Variants in MAGEB2 observed in about 807,000 individuals in gnomAD.
The protein encoded by MAGEB2 is melanoma-associated antigen B2.
For missense variants in MAGEB2, 365 were observed against 243.2 expected (o/e 1.50, Z -3.33); for synonymous variants, 107 against 96.2 (o/e 1.11, Z -0.66).
At position 30,219,269 on chromosome X, in the gene MAGEB2, TGGGAGTCTATG is replaced by T. The variant is rs763002185; in HGVS notation, c.690_700del (p.Gly231TrpfsTer33). 10 of 1,211,279 alleles carry T rather than the reference TGGGAGTCTATG, an allele frequency of 8.3e-6. No homozygotes were observed. In the South Asian group the frequency reaches 1.8e-4, roughly 21 times the overall value. Reference sequence around the variant, plus strand: ...GAGATCTGGGAATTCCTGAATATGTTGGGAGTCTATGATGGAGAGGAGCACTCAGTCTTTGG... The same window carrying T: ...GAGATCTGGGAATTCCTGAATATGTTATGGAGAGGAGCACTCAGTCTTTGG... On this transcript the variant is annotated frameshift_variant, in exon 2 of 2. Coordinates refer to ENST00000378988, the MANE Select transcript of MAGEB2 (RefSeq NM_002364.5). LOFTEE classifies it low-confidence loss of function (END_TRUNC).
At chrX:30,218,541 T>C (rs6526962) in intron 1 of MAGEB2, 35 bp from the exon 2 acceptor site, 446,940 of 1,167,994 alleles carry the variant, frequency 0.38, 62,604 homozygotes, top group African/African-American at 0.55. Flanking sequence ...ATACTAACCA[T>C]CTATTCTTCT....
Position 30,220,024 on chromosome X carries a change from A to C in MAGEB2, c.*484A>C, listed in dbSNP as rs2147331282. The C allele has an allele frequency of 8.0e-6, 1 of 124,534 alleles. No homozygotes were observed. Among genetic ancestry groups the C allele is most frequent in the East Asian group, 2.8e-4 (1 of 3,597 alleles). 10.3% of individuals were successfully genotyped at this position (124,534 alleles called of 1,213,427 possible). A position where few individuals can be genotyped will look rare whatever the true frequency, so the allele number is the denominator to read the frequency against. On this transcript the variant is annotated 3_prime_UTR_variant, in exon 2 of 2. Coordinates refer to ENST00000378988, the MANE Select transcript of MAGEB2 (RefSeq NM_002364.5). ...CTTCATTTAATCTTTCTTTTCATAA[A>C]GATACATACCTGGATTTGTTTATGT... is the stretch of plus-strand genomic sequence containing the variant.
At chrX:30,218,120 T>C (rs1924449664) in intron 1 of MAGEB2, among the ~76,000 whole-genome samples, 1 of 47,402 alleles carries the variant, frequency 2.1e-5, no homozygotes, top group Non-Finnish European at 4.4e-5. Flanking sequence ...AGGGTGGTGG[T>C]TGAGGCACCC....
chrX:30,216,576 G>A (rs912935235), intron 1 of MAGEB2, among the ~76,000 whole-genome samples: 4 of 111,464 alleles, frequency 3.6e-5, no homozygotes, highest in African/African-American at 1.3e-4. Context: ...AGAAGTGAAC[G>A]ACCCCATTAA....
chrX:30,216,399 C>T (rs1439046723), intron 1 of MAGEB2, among the ~76,000 whole-genome samples: 1 of 111,272 alleles, frequency 9.0e-6, no homozygotes, highest in African/African-American at 3.3e-5. Flanking sequence ...AGGTCTAATG[C>T]GACAGAGAGG....
chrX:30,217,527 G>A lies in MAGEB2; in HGVS notation c.-5-1049G>A, dbSNP rs748463425. Among the ~76,000 whole-genome samples the A allele has an allele frequency of 5.6e-4, 63 of 112,427 alleles. 1 individual carries two copies. Among genetic ancestry groups the A allele is most frequent in the Non-Finnish European group, 1.1e-3 (57 of 53,235 alleles). On this transcript the variant is annotated intron_variant, in intron 1 of 1. Transcript: ENST00000378988. ...GGATTACAGTTAGACATGAGATTTG[G>A]TGAGGATACAGATCCAAACCATATC...
In MAGEB2 at chrX:30,218,959, AAAAT is replaced by A; in HGVS notation, c.383_386del (p.Ile128LysfsTer10). The A allele has an allele frequency of 8.3e-7, 1 of 1,210,505 alleles. No homozygotes were observed. Among genetic ancestry groups the A allele is most frequent in the Non-Finnish European group, 1.1e-6 (1 of 894,741 alleles). The stretch of plus-strand genomic sequence containing the variant: ...GGTGCAGTTCCTGTTGTACAAGTAT[AAAAT>A]AAAAAAGTCCGTTACAAAGGGAGAA... On this transcript the variant is annotated frameshift_variant, in exon 2 of 2. Coordinates refer to ENST00000378988, the MANE Select transcript of MAGEB2 (RefSeq NM_002364.5). LOFTEE classifies it low-confidence loss of function (END_TRUNC).
intron 1 of MAGEB2, 93 bp downstream of exon 1, chrX:30,215,748 C>T (rs1401506191): frequency 2.9e-5 from 3 of 103,675 alleles, no homozygotes; most frequent in Non-Finnish European, 5.9e-5. Context: ...TCCTGAGAGG[C>T]TCCGGTAAAG....
intron 1 of MAGEB2, among the ~76,000 whole-genome samples, chrX:30,216,624 T>G (rs1426697009): frequency 1.8e-5 from 2 of 111,295 alleles, no homozygotes; most frequent in Admixed American, 1.9e-4. Context: ...CTCACGCCTG[T>G]AATCCCAGCA....
At position 30,219,163 on chromosome X, in the gene MAGEB2, TC is replaced by T; in HGVS notation, c.585del (p.Trp196GlyfsTer9). 1.7e-6 allele frequency: 2 copies of T among 1,210,703 alleles called. No homozygotes were observed. The highest frequency in any genetic ancestry group is 2.2e-6 in the Non-Finnish European group (2 of 895,044). ...CACTGATGAGGAATCCCTGCTCAGT[TC>T]CTGGGACTTTCCCAGGAGAAAGCTT... is the stretch of plus-strand genomic sequence containing the variant. ...DLTDEESLLS[S>X]WDFPRRKLLM... is the part of the protein sequence containing the mutation. On this transcript the variant is annotated frameshift_variant, in exon 2 of 2. Coordinates refer to ENST00000378988, the MANE Select transcript of MAGEB2 (RefSeq NM_002364.5). LOFTEE classifies it low-confidence loss of function (END_TRUNC).
rs779542719 is a variant in MAGEB2 at position 30,218,966 on chromosome X, A to T, written c.386A>T (p.Lys129Ile). 3 of 1,210,546 alleles carry T rather than the reference A, an allele frequency of 2.5e-6. No homozygotes were observed. The highest frequency in any genetic ancestry group is 3.4e-6 in the Non-Finnish European group (3 of 894,766). ...VQFLLYKYKI[K>I]KSVTKGEMLK... ...TTCCTGTTGTACAAGTATAAAATAA[A>T]AAAGTCCGTTACAAAGGGAGAAATG... The change falls in exon 2 of 2, where the codon AAA becomes ATA. Residue 129 changes from lysine to isoleucine, a missense_variant. Coordinates refer to ENST00000378988, the MANE Select transcript of MAGEB2 (RefSeq NM_002364.5).
rs1469793220 is a variant in MAGEB2, at chrX:30,218,622, A to G, written c.42A>G (p.Lys14=). The G allele has an allele frequency of 3.3e-6, 4 of 1,209,077 alleles. No homozygotes were observed. Among genetic ancestry groups the G allele is most frequent in the Non-Finnish European group, 4.5e-6 (4 of 894,759 alleles). Residue 14 remains lysine, a synonymous_variant, in exon 2 of 2, where the codon AAA becomes AAG. Transcript: ENST00000378988. The part of the protein sequence containing the change: ...GQKSKLRARE[K]RRKARDETRG... ...AGAGTAAGCTCCGTGCCCGTGAGAA[A>G]CGCCGCAAGGCCCGAGATGAGACCC... is the stretch of plus-strand genomic sequence containing the variant.
chrX:30,217,396 A>G (rs1924433333), intron 1 of MAGEB2, among the ~76,000 whole-genome samples: 1 of 111,365 alleles, frequency 9.0e-6, no homozygotes, highest in Admixed American at 9.5e-5. Flanking sequence ...TTAAATGACC[A>G]GATCTCATGA....
At position 30,219,449 on chromosome X, in the gene MAGEB2, A is replaced by G. The variant is rs374398423; in HGVS notation, c.869A>G (p.Glu290Gly). ...YAETSKMKVL[E>G]FLAKVNGTTP... ...GAAACCAGCAAGATGAAAGTCCTGGAGTTTTTGGCCAAGGTAAATGGTACC... is the reference window on the plus strand; with the variant it reads ...GAAACCAGCAAGATGAAAGTCCTGGGGTTTTTGGCCAAGGTAAATGGTACC... Residue 290 changes from glutamate to glycine, a missense_variant, in exon 2 of 2, where the codon GAG (glutamate) becomes GGG (glycine). By Grantham distance (98) the Glu-to-Gly change is moderately conservative. Coordinates refer to ENST00000378988, the MANE Select transcript of MAGEB2 (RefSeq NM_002364.5). 166 of 1,209,683 alleles carry G rather than the reference A, an allele frequency of 1.4e-4. No individual in the cohort carries two copies. The highest frequency in any genetic ancestry group is 1.8e-4 in the Non-Finnish European group (157 of 894,817).
rs148939834 is a variant in MAGEB2 at position 30,218,859 on chromosome X, T to G, written c.279T>G (p.Asn93Lys). The change falls in exon 2 of 2, where the codon AAT becomes AAG. Residue 93 changes from asparagine to lysine, a missense_variant. Physicochemically the swap from Asn to Lys is moderately conservative, Grantham distance 94. Transcript: ENST00000378988. ...CCAAGAGCCACCAAGGTGAGAAAAA[T>G]GCAAGTTCCTCCCAGGCCTCAACAT... ...KGAKSHQGEK[N>K]ASSSQASTST... 1.7e-6 allele frequency: 2 copies of G among 1,202,984 alleles called. No homozygotes were observed. The highest frequency in any genetic ancestry group is 4.4e-5 in the Admixed American group (2 of 45,088).
chrX:30,218,609 G>T lies in MAGEB2; in HGVS notation c.29G>T (p.Arg10Leu). ...CCTCGTGGTCAGAAGAGTAAGCTCC[G>T]TGCCCGTGAGAAACGCCGCAAGGCC... Reference protein sequence around the residue: MPRGQKSKLRAREKRRKARD... With the variant: MPRGQKSKLLAREKRRKARD... Residue 10 changes from arginine (R) to leucine (L), a missense_variant, in exon 2 of 2, where the codon CGT becomes CTT. Physicochemically the swap from Arg to Leu is moderately radical, Grantham distance 102. Transcript: ENST00000378988. 8.3e-7 allele frequency: 1 copy of T among 1,209,920 alleles called. No homozygotes were observed. The highest frequency in any genetic ancestry group is 1.1e-6 in the Non-Finnish European group (1 of 894,583).
chrX:30,219,810 G>A lies in MAGEB2; in HGVS notation c.*270G>A, dbSNP rs946198970. ...ATCACCCTGTTATTGCTGTTTTTCA[G>A]GGACAGTAGAAAGTGTTTTGTTTTT... is the stretch of plus-strand genomic sequence containing the variant. On this transcript the variant is annotated 3_prime_UTR_variant, in exon 2 of 2. Transcript: ENST00000378988. The A allele has an allele frequency of 2.9e-5, 7 of 240,530 alleles. No individual in the cohort carries two copies. 19.8% of individuals were successfully genotyped at this position (240,530 alleles called of 1,213,427 possible).
At chrX:30,218,007 C>G (rs1484825620) in intron 1 of MAGEB2, among the ~76,000 whole-genome samples, 1 of 111,798 alleles carries the variant, frequency 8.9e-6, no homozygotes, top group Admixed American at 9.4e-5. Context: ...GTGCCAAGCC[C>G]TACATGAAGC....
At chrX:30,218,483 G>C (rs980546020) in intron 1 of MAGEB2, 93 bp from the exon 2 acceptor site, 10 of 1,100,064 alleles carry the variant, frequency 9.1e-6, no homozygotes, top group Non-Finnish European at 1.2e-5. Context: ...CTAAGATGGG[G>C]TCTTCCAGCT....
Sources: gnomAD v4.1 joint callset for allele counts (sites outside exome capture counted in the v4.1 genomes callset) on GRCh38, gnomAD v4.1.1 for gene constraint, MANE v1.5 for transcripts, NCBI Gene and HGNC (gene_info 2026-07-23, HGNC 2026-07-21) for gene names.